Variants in MYCBP2 observed in about 807,000 individuals in gnomAD.
MYCBP2 encodes MYC binding protein 2.
MYCBP2 carries 120 observed loss-of-function variants against 525.3 expected under a neutral mutation model. The observed-to-expected ratio is 0.23, with a 90% CI of 0.20 to 0.27. The LOEUF (loss-of-function observed/expected upper bound fraction) is 0.27, where lower values mean the gene tolerates loss of function less well. Ranked by LOEUF, MYCBP2 falls within the 10% of genes least tolerant of loss-of-function variation. MYCBP2 has a pLI of 1.00. For synonymous variants in MYCBP2, 1,894 were observed against 1,955.8 expected (o/e 0.97, Z 0.83); for missense variants, 4,149 against 5,657.1 (o/e 0.73, Z 8.55).
intron 51 of MYCBP2, 56 bp from the exon 52 acceptor site, chr13:77,139,392 A>C: frequency 6.4e-7 from 1 of 1,567,324 alleles, no homozygotes; most frequent in South Asian, 1.2e-5. Flanking sequence ...CTATGAGGCT[A>C]GCAAGGTCTG....
rs763131314 is a variant in MYCBP2, at chr13:77,097,380, T to C, written c.9774A>G (p.Gln3258=). 8.1e-6 allele frequency: 13 copies of C among 1,599,202 alleles called. No individual in the cohort carries two copies. The highest frequency in any genetic ancestry group is 1.7e-4 in the Middle Eastern group (1 of 5,974). ...AACAGTATCATTTACCTGGGTGAGC[T>C]TGTCTCATGTGATAGGTCACCGGGT... is the stretch of plus-strand genomic sequence containing the variant. ...HPYPVTYHMR[Q]AHPGCGRYAG... is the part of the protein sequence containing the mutation. Residue 3258 remains glutamine, a synonymous_variant, in exon 56 of 83, where the codon CAA becomes CAG. Coordinates refer to ENST00000544440, the MANE Select transcript of MYCBP2 (RefSeq NM_015057.5).
intron 3 of MYCBP2, among the ~76,000 whole-genome samples, chr13:77,284,009 G>A (rs2076476086): frequency 6.6e-6 from 1 of 152,164 alleles, no homozygotes; most frequent in Non-Finnish European, 1.5e-5. Context: ...ACTTAATGTA[G>A]AAGCATTCAG....
At chr13:77,281,071 T>C (rs1365304940) in intron 3 of MYCBP2, among the ~76,000 whole-genome samples, 7 of 152,166 alleles carry the variant, frequency 4.6e-5, no homozygotes, top group Non-Finnish European at 1.0e-4. Flanking sequence ...GTATAAAGTA[T>C]TTTACCAAAA....
chr13:77,125,816 T>A (rs2051554726), intron 53 of MYCBP2, among the ~76,000 whole-genome samples: 1 of 152,164 alleles, frequency 6.6e-6, no homozygotes, highest in Admixed American at 6.5e-5. Flanking sequence ...GTTGAGAGTA[T>A]CCATAGTGTA....
At chr13:77,247,011 T>C (rs1351865290) in intron 15 of MYCBP2, among the ~76,000 whole-genome samples, 1 of 152,062 alleles carries the variant, frequency 6.6e-6, no homozygotes, top group Non-Finnish European at 1.5e-5. Flanking sequence ...GTGAACATCA[T>C]AATGGTGAGA....
At chr13:77,074,005 C>T (rs981080520) in intron 68 of MYCBP2, among the ~76,000 whole-genome samples, 1 of 138,688 alleles carries the variant, frequency 7.2e-6, no homozygotes, top group Non-Finnish European at 1.6e-5. Context: ...CCCCACCGCC[C>T]CCCCCCCTTT....
rs2061029317 is a variant in MYCBP2 at position 77,188,981 on chromosome 13, T to C, written c.4221A>G (p.Leu1407=). The part of the protein sequence containing the change: ...KQQTSEPVHI[L]KRSFARTVSV... ...AGACAGTTCTTGCAAAAGACCTCTT[T>C]AAAATGTGTACAGGTTCACTGGTTT... The change falls in exon 30 of 83, where the codon TTA becomes TTG. Residue 1407 remains leucine (L), a synonymous_variant. Coordinates refer to ENST00000544440, the MANE Select transcript of MYCBP2 (RefSeq NM_015057.5). The C allele has an allele frequency of 1.9e-6, 3 of 1,608,226 alleles. No homozygotes were observed. Among genetic ancestry groups the C allele is most frequent in the African/African-American group, 2.7e-5 (2 of 74,538 alleles).
intron 18 of MYCBP2, among the ~76,000 whole-genome samples, chr13:77,227,479 CAT>C (rs1458749611): frequency 1.9e-4 from 19 of 99,790 alleles, no homozygotes; most frequent in African/African-American, 6.7e-4. Context: ...CACACACACA[CAT>C]ACACACACAC....
At chr13:77,075,850 G>A (rs2042201463) in intron 68 of MYCBP2, 1 of 152,112 alleles carries the variant, frequency 6.6e-6, no homozygotes, top group Admixed American at 6.6e-5. Context: ...AAAAGATGTT[G>A]AAAGAAGTTA....
intron 30 of MYCBP2, among the ~76,000 whole-genome samples, chr13:77,187,173 A>G (rs2060807978): frequency 1.3e-5 from 2 of 152,190 alleles, no homozygotes; most frequent in South Asian, 4.1e-4. Context: ...CAATTACCTA[A>G]TGGCCACAAA....
In MYCBP2 at chr13:77,081,563, G is replaced by T; in HGVS notation, c.11282C>A (p.Thr3761Lys). 1 of 1,613,832 alleles carries T rather than the reference G, an allele frequency of 6.2e-7. No homozygotes were observed. The highest frequency in any genetic ancestry group is 8.5e-7 in the Non-Finnish European group (1 of 1,179,900). ...CCAAAAGGTTTCTGTGGAGCCGTCT[G>T]TCAAACTGCCAATCATGGCAGGTCG... ...SSRPAMIGSL[T>K]DGSTETFWES... is the part of the protein sequence containing the mutation. Residue 3761 changes from threonine to lysine, a missense_variant, in exon 65 of 83, where the codon ACA (threonine) becomes AAA (lysine). Transcript: ENST00000544440. This position sits in a 1 kb window ranked among gnomAD's most constrained non-coding sequence, Gnocchi z 4.6.
chr13:77,241,720 C>CA (rs1384381142), intron 17 of MYCBP2, among the ~76,000 whole-genome samples: 2 of 152,080 alleles, frequency 1.3e-5, no homozygotes, highest in Admixed American at 6.5e-5. Flanking sequence ...CATCACTTAT[C>CA]AGATGCTATG....
At chr13:77,063,490 G>A (rs781672339) in intron 73 of MYCBP2, among the ~76,000 whole-genome samples, 7 of 150,672 alleles carry the variant, frequency 4.6e-5, no homozygotes, top group African/African-American at 1.5e-4. Flanking sequence ...ACCTGCAGGC[G>A]GAGGCTGCAG....
Position 77,064,599 on chromosome 13 carries a change from A to G in MYCBP2, c.12672+16T>C, listed in dbSNP as rs2039907002. The G allele has an allele frequency of 1.3e-6, 2 of 1,589,198 alleles. No individual in the cohort carries two copies. The highest frequency in any genetic ancestry group is 8.6e-7 in the Non-Finnish European group (1 of 1,166,604). On this transcript the variant is annotated intron_variant, in intron 73 of 82. Coordinates refer to ENST00000544440, the MANE Select transcript of MYCBP2 (RefSeq NM_015057.5). ...CACACCAAATTTAAAACAAAACAAA[A>G]CAAAGCAAAACCTACTCTAGTTGTT...
At chr13:77,229,661 C>A (rs1173994330) in intron 18 of MYCBP2, among the ~76,000 whole-genome samples, 1 of 152,084 alleles carries the variant, frequency 6.6e-6, no homozygotes, top group Non-Finnish European at 1.5e-5. Context: ...ATCTTCATAG[C>A]AACACAATCA....
At position 77,243,166 on chromosome 13, in the gene MYCBP2, T is replaced by C. The variant is rs976235992; in HGVS notation, c.2528-6A>G. ...AACCCCGGGCACTGGGACAGCTAGA[T>C]GATTGGCCAAAAACAACAACAACAA... On this transcript the variant is annotated splice_polypyrimidine_tract_variant and splice_region_variant and intron_variant, in intron 16 of 82. Transcript: ENST00000544440. 1.9e-6 allele frequency: 3 copies of C among 1,607,968 alleles called. No homozygotes were observed. Among genetic ancestry groups the C allele is most frequent in the African/African-American group, 1.3e-5 (1 of 74,772 alleles).
Position 77,097,949 on chromosome 13 carries a change from T to A in MYCBP2, c.9205A>T (p.Arg3069Trp). ...GGTTGTTGGCTATTTAAACTACTCCTTATAGGAGCATGTTCTTTGGAAAGT... is the reference window on the plus strand; with the variant it reads ...GGTTGTTGGCTATTTAAACTACTCCATATAGGAGCATGTTCTTTGGAAAGT... ...PELSKEHAPI[R>W]SSLNSQQPTE... Residue 3069 changes from arginine to tryptophan, a missense_variant, in exon 56 of 83, where the codon AGG becomes TGG. Arg to Trp is a moderately radical substitution (Grantham distance 101, BLOSUM62 -3). Coordinates refer to ENST00000544440, the MANE Select transcript of MYCBP2 (RefSeq NM_015057.5). 3 of 1,613,498 alleles carry A rather than the reference T, an allele frequency of 1.9e-6. No homozygotes were observed. Among genetic ancestry groups the A allele is most frequent in the African/African-American group, 2.7e-5 (2 of 75,008 alleles).
chr13:77,266,261 G>A (rs1346547963), intron 8 of MYCBP2, among the ~76,000 whole-genome samples: 1 of 152,134 alleles, frequency 6.6e-6, no homozygotes, highest in Non-Finnish European at 1.5e-5. Flanking sequence ...ATCCTAAAAT[G>A]ACTGGCACAA....
rs369203327 is a variant in MYCBP2, at chr13:77,166,389, T to A, written c.6280A>T (p.Ile2094Leu). Reference protein sequence around the residue: ...TSVHENLNSWIELKKFSGSSG... With the variant: ...TSVHENLNSWLELKKFSGSSG... Reference sequence around the variant, plus strand: ...GATCCTGAAAATTTCTTTAATTCTATCCATGAATTAAGATTTTCATGAACA... The same window carrying A: ...GATCCTGAAAATTTCTTTAATTCTAACCATGAATTAAGATTTTCATGAACA... Residue 2094 changes from isoleucine to leucine, a missense_variant, in exon 41 of 83, where the codon ATA becomes TTA. Ile to Leu is a conservative substitution (Grantham distance 5). Around this residue, in one of 21 missense-constraint regions of MYCBP2, gnomAD observed 692 missense variants for 852.7 expected, o/e 0.81. Transcript: ENST00000544440. 6.2e-7 allele frequency: 1 copy of A among 1,613,914 alleles called. No individual in the cohort carries two copies. The highest frequency in any genetic ancestry group is 8.5e-7 in the Non-Finnish European group (1 of 1,179,940).
Sources: gnomAD v4.1 joint callset for allele counts (sites outside exome capture counted in the v4.1 genomes callset) on GRCh38, gnomAD v4.1.1 for gene constraint, gnomAD v4.1.1 regional missense constraint, Gnocchi (gnomAD v3.1) non-coding constraint, MANE v1.5 for transcripts, NCBI Gene and HGNC (gene_info 2026-07-23, HGNC 2026-07-21) for gene names.